Variants in PDGFD observed in about 807,000 individuals in gnomAD.
The protein encoded by PDGFD is platelet derived growth factor D.
Under a neutral mutation model 44.7 loss-of-function variants are expected in PDGFD, and 30 were observed. That is an observed-to-expected ratio of 0.67 (90% CI 0.50 to 0.91). The LOEUF (loss-of-function observed/expected upper bound fraction) is 0.91, where lower values mean the gene tolerates loss of function less well. PDGFD is among the 40% of genes least tolerant of loss of function. The pLI is 0.00. For missense variants in PDGFD, 445 were observed against 457.8 expected, an observed-to-expected ratio of 0.97 and a Z score of 0.25; for synonymous variants, 173 against 168.4, an observed-to-expected ratio of 1.03 and a Z score of -0.21.
intron 6 of PDGFD, among the ~76,000 whole-genome samples, chr11:103,925,644 ACTCTCTCTCT>A (rs1165724093): frequency 7.9e-6 from 1 of 126,274 alleles, no homozygotes; most frequent in South Asian, 2.5e-4. Context: ...TCTTCAGTCT[ACTCTCTCTCT>A]CTCTCTCTAT....
chr11:104,092,058 G>C (rs1001603672), intron 1 of PDGFD, among the ~76,000 whole-genome samples: 1 of 151,904 alleles, frequency 6.6e-6, no homozygotes, highest in Non-Finnish European at 1.5e-5. Context: ...CTAGTTTAAA[G>C]ATGAAGAAAC....
At chr11:104,150,118 A>C (rs1322127036) in intron 1 of PDGFD, among the ~76,000 whole-genome samples, 1 of 152,166 alleles carries the variant, frequency 6.6e-6, no homozygotes, top group Admixed American at 6.6e-5. Flanking sequence ...ACTTGCAACA[A>C]ATTTTTATGG....
At chr11:104,082,436 G>A (rs1861058362) in intron 1 of PDGFD, among the ~76,000 whole-genome samples, 1 of 151,634 alleles carries the variant, frequency 6.6e-6, no homozygotes, top group African/African-American at 2.4e-5. Flanking sequence ...TCTAAGTTTG[G>A]TTGTATTTTT....
rs539573654 is a variant in PDGFD, at chr11:104,041,518, GT to G, written c.125-41264del. Among the ~76,000 whole-genome samples the G allele has an allele frequency of 2.5e-3, 373 of 150,412 alleles. 2 individuals carry two copies. Among genetic ancestry groups the G allele is most frequent in the Non-Finnish European group, 4.1e-3 (277 of 67,472 alleles). ...ATGGATAAACAAATTATCATTTTCT[GT>G]TTTTTTTTCCTACTAAAAATGAGGA... On this transcript the variant is annotated intron_variant, in intron 1 of 6. Coordinates refer to ENST00000393158, the MANE Select transcript of PDGFD (RefSeq NM_025208.5).
intron 3 of PDGFD, among the ~76,000 whole-genome samples, chr11:103,983,156 T>C (rs978720488): frequency 1.3e-5 from 2 of 151,806 alleles, no homozygotes; most frequent in Admixed American, 6.6e-5. Flanking sequence ...TCACACAACC[T>C]GACTTCAAAC....
chr11:104,125,597 A>G (rs1296485864), intron 1 of PDGFD, among the ~76,000 whole-genome samples: 2 of 152,114 alleles, frequency 1.3e-5, no homozygotes, highest in Non-Finnish European at 2.9e-5. Flanking sequence ...CCTAGGTTCA[A>G]ATAAAACCAC....
intron 1 of PDGFD, among the ~76,000 whole-genome samples, chr11:104,142,749 G>A (rs1862103610): frequency 6.6e-6 from 1 of 152,164 alleles, no homozygotes. Context: ...ATGTTGCTGT[G>A]CTAAAATCTT....
At chr11:104,083,673 A>G (rs1277199441) in intron 1 of PDGFD, among the ~76,000 whole-genome samples, 2 of 152,218 alleles carry the variant, frequency 1.3e-5, no homozygotes, top group African/African-American at 4.8e-5. Flanking sequence ...ATCTTGGAAG[A>G]CTGAAAAAAA....
chr11:103,981,020 G>A (rs371118212), intron 3 of PDGFD, among the ~76,000 whole-genome samples: 11 of 149,340 alleles, frequency 7.4e-5, no homozygotes, highest in African/African-American at 2.3e-4. Context: ...CCTCTGCTAT[G>A]TTTCGAATGA....
chr11:103,993,505 G>A (rs1278915250), intron 3 of PDGFD, among the ~76,000 whole-genome samples: 1 of 151,978 alleles, frequency 6.6e-6, no homozygotes, highest in East Asian at 1.9e-4. Context: ...CACACTTGAA[G>A]AGGGATTGCC....
intron 2 of PDGFD, 128 bp from the exon 3 acceptor site, chr11:103,996,373 G>T: frequency 1.2e-6 from 1 of 860,128 alleles, no homozygotes; most frequent in Non-Finnish European, 1.8e-6. Context: ...AAATTATAAT[G>T]TACAGAAATG....
intron 1 of PDGFD, among the ~76,000 whole-genome samples, chr11:104,157,959 ACT>A (rs1211570438): frequency 1.3e-5 from 2 of 152,114 alleles, no homozygotes; most frequent in Admixed American, 6.5e-5. Context: ...ATAAAATGAC[ACT>A]CTTTTTAAAG....
chr11:104,146,660 A>C (rs1302090746), intron 1 of PDGFD, among the ~76,000 whole-genome samples: 3 of 152,176 alleles, frequency 2.0e-5, no homozygotes, highest in Non-Finnish European at 4.4e-5. Context: ...ATGGGCCTGA[A>C]GCGTAAGCCT....
At chr11:104,138,908 C>A (rs1339122466) in intron 1 of PDGFD, among the ~76,000 whole-genome samples, 1 of 152,026 alleles carries the variant, frequency 6.6e-6, no homozygotes, top group Non-Finnish European at 1.5e-5. Flanking sequence ...ACTACAGGCA[C>A]AAGTCACCAC....
chr11:104,087,659 T>C (rs1303901730), intron 1 of PDGFD, among the ~76,000 whole-genome samples: 1 of 152,258 alleles, frequency 6.6e-6, no homozygotes, highest in Non-Finnish European at 1.5e-5. Flanking sequence ...ATTCCTTACA[T>C]TTCCCTAAAC....
intron 1 of PDGFD, among the ~76,000 whole-genome samples, chr11:104,154,895 T>C (rs1862286688): frequency 6.6e-6 from 1 of 152,216 alleles, no homozygotes. Flanking sequence ...CAATATTTAC[T>C]ATTTGGCCCT....
chr11:104,052,803 T>C (rs546681861), intron 1 of PDGFD, among the ~76,000 whole-genome samples: 53 of 152,306 alleles, frequency 3.5e-4, no homozygotes, highest in Admixed American at 8.5e-4. Flanking sequence ...GAGTAGGCTA[T>C]AGAAAAAAGT....
chr11:104,079,384 C>A (rs898356872), intron 1 of PDGFD, among the ~76,000 whole-genome samples: 3 of 151,648 alleles, frequency 2.0e-5, no homozygotes, highest in Non-Finnish European at 2.9e-5. Flanking sequence ...CTTTTCTTTT[C>A]TTTTCTTTCT....
chr11:103,909,528 A>C lies in PDGFD; in HGVS notation c.*166T>G, dbSNP rs1280970183. On this transcript the variant is annotated 3_prime_UTR_variant, in exon 7 of 7. Transcript: ENST00000393158. ...ATAGAAGTTGATGATATACCTTTCT[A>C]CTTGCCATGGCATTAACAAAGCAAG... The C allele has an allele frequency of 1.7e-5, 13 of 768,388 alleles. No homozygotes were observed. The highest frequency in any genetic ancestry group is 1.5e-4 in the South Asian group (9 of 58,306). 47.6% of individuals were successfully genotyped at this position (768,388 alleles called of 1,614,324 possible).
Sources: gnomAD v4.1 joint callset for allele counts (sites outside exome capture counted in the v4.1 genomes callset) on GRCh38, gnomAD v4.1.1 for gene constraint, MANE v1.5 for transcripts, NCBI Gene and HGNC (gene_info 2026-07-23, HGNC 2026-07-21) for gene names.